CD58: variants seen among roughly 807,000 people sequenced by gnomAD.
The protein encoded by CD58 is lymphocyte function-associated antigen 3.
Under a neutral mutation model 27.6 loss-of-function variants are expected in CD58, and 14 were observed. The ratio of observed to expected loss-of-function variants is 0.51; its 90% confidence interval spans 0.34 to 0.79. The LOEUF (loss-of-function observed/expected upper bound fraction) is 0.79. Among genes scored for constraint, CD58 ranks in the 30% least tolerant of loss-of-function variants. The pLI is 0.02. For synonymous variants in CD58, 117 were observed against 103.8 expected (o/e 1.13, Z -0.77); for missense variants, 268 against 301.7 (o/e 0.89, Z 0.83).
intron 3 of CD58, chr1:116,533,858 G>A: frequency 3.3e-6 from 3 of 906,200 alleles, no homozygotes; most frequent in Non-Finnish European, 5.5e-6. Flanking sequence ...GCTTCTATAT[G>A]AGCGCATCTC....
chr1:116,566,573 A>G lies in CD58; in HGVS notation c.70+4330T>C, dbSNP rs1228385203. ...AAGGCTGAGGCAGGAACACTACAAG[A>G]TGAGTCCAGAACATCTTTCTGTGCC... On this transcript the variant is annotated intron_variant, in intron 1 of 5. Transcript: ENST00000369489. Among the ~76,000 whole-genome samples, 9 of 152,230 alleles carry G rather than the reference A, an allele frequency of 5.9e-5. No homozygotes were observed. In the East Asian group the frequency reaches 7.7e-4, roughly 13 times the overall value.
chr1:116,535,853 A>AT, intron 3 of CD58, 112 bp downstream of exon 3: 1 of 518,870 alleles, frequency 1.9e-6, no homozygotes, highest in Non-Finnish European at 2.6e-6. Context: ...AAAAAAAAAA[A>AT]AAAAAAAAAA....
At position 116,552,489 on chromosome 1, in the gene CD58, A is replaced by G. The variant is rs1658425623; in HGVS notation, c.71-7885T>C. Among the ~76,000 whole-genome samples, 1 of 152,224 alleles carries G rather than the reference A, an allele frequency of 6.6e-6. No individual in the cohort carries two copies. The highest frequency in any genetic ancestry group is 1.5e-5 in the Non-Finnish European group (1 of 68,028). On this transcript the variant is annotated intron_variant, in intron 1 of 5. Transcript: ENST00000369489. The surrounding 1 kb of genome is among the most constrained non-coding windows in gnomAD (Gnocchi z 4.5). ...AAAGCTGGGTTGTCACGAACCTTCA[A>G]TTTGTAAAAAGCACATTATCTGTGA...
chr1:116,532,619 T>TCCCACCCCAC lies in CD58; in HGVS notation c.628+3336_628+3345dup, dbSNP rs1657652467. ...TTTTAGCCAAGTGATCCCCACCCCA[T>TCCCACCCCAC]CCCACCCCACCCCAATGGGGTCTAT... On this transcript the variant is annotated intron_variant, in intron 3 of 5. Transcript: ENST00000369489. The surrounding 1 kb of genome is among the most constrained non-coding windows in gnomAD (Gnocchi z 5.1). 6.8e-6 allele frequency among the ~76,000 whole-genome samples: 1 copy of TCCCACCCCAC among 147,632 alleles called. No individual in the cohort carries two copies. Among genetic ancestry groups the TCCCACCCCAC allele is most frequent in the South Asian group, 2.2e-4 (1 of 4,458 alleles).
At chr1:116,533,681 T>A in intron 3 of CD58, 1 of 680,146 alleles carries the variant, frequency 1.5e-6, no homozygotes, top group Non-Finnish European at 2.8e-6. Flanking sequence ...TTATTTTTCC[T>A]GTCTCCAGCC....
At chr1:116,554,794 A>T (rs2101210331) in intron 1 of CD58, among the ~76,000 whole-genome samples, 1 of 152,222 alleles carries the variant, frequency 6.6e-6, no homozygotes, top group South Asian at 2.1e-4. Flanking sequence ...AATTTTTTTT[A>T]AATAGAATTA....
Position 116,523,546 on chromosome 1 carries a change from G to A in CD58, c.629-1563C>T, listed in dbSNP as rs543908825. 1.3e-5 allele frequency among the ~76,000 whole-genome samples: 2 copies of A among 152,150 alleles called. No individual in the cohort carries two copies. Among genetic ancestry groups the A allele is most frequent in the Non-Finnish European group, 2.9e-5 (2 of 68,022 alleles). ...TGGCCAGAAACTGCTAGGTGCCCCC[G>A]AACATCATTTTCCCTTCTTTAGTAG... On this transcript the variant is annotated intron_variant, in intron 3 of 5. Coordinates refer to ENST00000369489, the MANE Select transcript of CD58 (RefSeq NM_001779.3). The surrounding 1 kb of genome is among the most constrained non-coding windows in gnomAD (Gnocchi z 4.4).
intron 3 of CD58, chr1:116,533,948 G>T: frequency 7.0e-7 from 1 of 1,425,238 alleles, no homozygotes; most frequent in Non-Finnish European, 9.9e-7. Context: ...GGGGTGTGAG[G>T]GGCATTGTCA....
rs576240705 is a variant in CD58, at chr1:116,546,827, T to C, written c.71-2223A>G. Among the ~76,000 whole-genome samples, 1 of 152,222 alleles carries C rather than the reference T, an allele frequency of 6.6e-6. No homozygotes were observed. Among genetic ancestry groups the C allele is most frequent in the Non-Finnish European group, 1.5e-5 (1 of 68,014 alleles). On this transcript the variant is annotated intron_variant, in intron 1 of 5. Transcript: ENST00000369489. This position sits in a 1 kb window ranked among gnomAD's most constrained non-coding sequence, Gnocchi z 4.1. ...TTGAACAACATGGGTTTGAGCTGTG[T>C]GGGTCCACTTACATGTGGATTTTCT...
At chr1:116,529,088 C>T (rs563475089) in intron 3 of CD58, among the ~76,000 whole-genome samples, 7 of 152,310 alleles carry the variant, frequency 4.6e-5, no homozygotes, top group South Asian at 4.1e-4. Context: ...TTATTATCCC[C>T]CACATTCACA....
At chr1:116,568,111 T>C (rs1325005642) in intron 1 of CD58, among the ~76,000 whole-genome samples, 2 of 146,122 alleles carry the variant, frequency 1.4e-5, no homozygotes, top group Non-Finnish European at 3.0e-5. Context: ...TAAAAAGGCA[T>C]GATTATCAAA....
At position 116,531,473 on chromosome 1, in the gene CD58, C is replaced by A. The variant is rs1346737084; in HGVS notation, c.628+4492G>T. ...CACACTGGTTTTATTTTTTGTTGTT[C>A]CCATTATAAAGCAACTATCTGCTTT... On this transcript the variant is annotated intron_variant, in intron 3 of 5. Transcript: ENST00000369489. The surrounding 1 kb of genome is among the most constrained non-coding windows in gnomAD (Gnocchi z 4.5). 6.6e-6 allele frequency among the ~76,000 whole-genome samples: 1 copy of A among 152,146 alleles called. No individual in the cohort carries two copies. Among genetic ancestry groups the A allele is most frequent in the Non-Finnish European group, 1.5e-5 (1 of 68,020 alleles).
intron 3 of CD58, chr1:116,533,488 G>A (rs1376497999): frequency 1.6e-5 from 12 of 737,744 alleles, no homozygotes; most frequent in African/African-American, 6.9e-5. Context: ...GAAAGACATA[G>A]GCTGTCCAGG....
rs1658676935 is a variant in CD58 at position 116,559,284 on chromosome 1, C to T, written c.70+11619G>A. On this transcript the variant is annotated intron_variant, in intron 1 of 5. Coordinates refer to ENST00000369489, the MANE Select transcript of CD58 (RefSeq NM_001779.3). This position sits in a 1 kb window ranked among gnomAD's most constrained non-coding sequence, Gnocchi z 4.4. ...CCTATCAAAGTAAGGTGGTTTGCTC[C>T]GCTGGACACTTGGTTGATAGAGAAG... 1.3e-5 allele frequency among the ~76,000 whole-genome samples: 2 copies of T among 152,194 alleles called. No homozygotes were observed. Among genetic ancestry groups the T allele is most frequent in the South Asian group, 2.1e-4 (1 of 4,826 alleles).
At chr1:116,548,173 T>C (rs1319127921) in intron 1 of CD58, among the ~76,000 whole-genome samples, 1 of 152,252 alleles carries the variant, frequency 6.6e-6, no homozygotes, top group Admixed American at 6.5e-5. Flanking sequence ...TGCTGATTTG[T>C]TTGACTTCCT....
At chr1:116,537,389 T>A (rs534885089) in intron 2 of CD58, among the ~76,000 whole-genome samples, 10 of 152,248 alleles carry the variant, frequency 6.6e-5, no homozygotes, top group African/African-American at 1.4e-4. Context: ...TAAAAAAAAA[T>A]TTTAATTCCA....
Position 116,536,051 on chromosome 1 carries a change from A to C in CD58, c.542T>G (p.Leu181Arg). ...TSIYFKMEND[L>R]PQKIQCTLSN... Reference sequence around the variant, plus strand: ...AAGAGTACACTGTATTTTTTGTGGAAGATCATTTTCCATCTTAAAATATAT... The same window carrying C: ...AAGAGTACACTGTATTTTTTGTGGACGATCATTTTCCATCTTAAAATATAT... The change falls in exon 3 of 6, where the codon CTT becomes CGT. Residue 181 changes from leucine to arginine, a missense_variant. Physicochemically the swap from Leu to Arg is moderately radical, Grantham distance 102. Transcript: ENST00000369489. This position sits in a 1 kb window ranked among gnomAD's most constrained non-coding sequence, Gnocchi z 5.4. The C allele has an allele frequency of 6.2e-7, 1 of 1,613,308 alleles. No homozygotes were observed. The highest frequency in any genetic ancestry group is 8.5e-7 in the Non-Finnish European group (1 of 1,179,460).
chr1:116,549,694 C>A (rs1658323882), intron 1 of CD58, among the ~76,000 whole-genome samples: 1 of 152,202 alleles, frequency 6.6e-6, no homozygotes, highest in Admixed American at 6.5e-5. Context: ...GGGTGCCTTA[C>A]CCACTCTCTT....
chr1:116,542,085 C>T (rs1240964311), intron 2 of CD58, among the ~76,000 whole-genome samples: 1 of 152,160 alleles, frequency 6.6e-6, no homozygotes, highest in Non-Finnish European at 1.5e-5. Flanking sequence ...TCAAGACCAG[C>T]CTGACCAACA....
Sources: allele counts gnomAD v4.1 joint callset (sites outside exome capture counted in the v4.1 genomes callset), GRCh38; gene constraint gnomAD v4.1.1; non-coding constraint Gnocchi (gnomAD v3.1); transcripts MANE v1.5; gene names NCBI Gene and HGNC (gene_info 2026-07-23, HGNC 2026-07-21).